CELF2: variants seen among roughly 807,000 people sequenced by gnomAD.
CELF2 encodes the protein CUG triplet repeat RNA-binding protein 2.
CELF2 carries 8 observed loss-of-function variants against 62.6 expected under a neutral mutation model. That is an observed-to-expected ratio of 0.13 (90% confidence interval 0.07 to 0.23). The LOEUF is 0.23. Ranked by LOEUF, CELF2 falls within the 10% of genes least tolerant of loss-of-function variation. The pLI is 1.00. For missense variants in CELF2, 333 were observed against 671.0 expected, an observed-to-expected ratio of 0.50 and a Z score of 5.56; for synonymous variants, 258 against 250.0, an observed-to-expected ratio of 1.03 and a Z score of -0.30.
chr10:11,078,691 T>G (rs889785097), intron 1 of CELF2, among the ~76,000 whole-genome samples: 1 of 152,190 alleles, frequency 6.6e-6, no homozygotes. Context: ...GAGTGGGCGG[T>G]TCTTTCTCTT....
chr10:11,231,683 TTGC>T (rs1332591901), intron 3 of CELF2, among the ~76,000 whole-genome samples: 1 of 149,162 alleles, frequency 6.7e-6, no homozygotes, highest in African/African-American at 2.5e-5. Context: ...TTGTATATGG[TTGC>T]TTTCTTTTTT....
At chr10:10,697,871 C>A in the CELF2 span, among the ~76,000 whole-genome samples, 1 of 152,190 alleles carries the variant, frequency 6.6e-6, no homozygotes, top group African/African-American at 2.4e-5. Flanking sequence ...CAGCTCACTG[C>A]AGCCTGCATC....
intron 3 of CELF2, among the ~76,000 whole-genome samples, chr10:11,238,412 T>C (rs965891411): frequency 1.3e-5 from 2 of 152,232 alleles, no homozygotes; most frequent in Non-Finnish European, 2.9e-5. Flanking sequence ...CTCTAGTTTC[T>C]TGCTATTAAA....
At chr10:10,502,655 T>A in the CELF2 span, among the ~76,000 whole-genome samples, 70,662 of 151,732 alleles carry the variant, frequency 0.47, 17,415 homozygotes, top group East Asian at 0.92. Context: ...ATTTGCATAT[T>A]CTTTTTTTCT....
intron 8 of CELF2, 61 bp downstream of exon 8, chr10:11,275,181 C>A: frequency 6.6e-7 from 1 of 1,522,088 alleles, no homozygotes; most frequent in Non-Finnish European, 9.1e-7. Context: ...GGGGTTGGTT[C>A]CGAGGGCAAA....
chr10:10,878,844 G>T (rs188331218), intron 1 of CELF2, among the ~76,000 whole-genome samples: 10 of 152,280 alleles, frequency 6.6e-5, no homozygotes, highest in Admixed American at 5.9e-4. Flanking sequence ...TCTCGTCTCT[G>T]CCAAGCTCTG....
At chr10:10,836,589 G>T (rs1446037751) in intron 1 of CELF2, among the ~76,000 whole-genome samples, 1 of 152,182 alleles carries the variant, frequency 6.6e-6, no homozygotes, top group African/African-American at 2.4e-5. Context: ...TTCTTACTGA[G>T]AAACTATAGA....
In CELF2 at chr10:11,217,336, T is replaced by C; in HGVS notation, c.272-89T>C. On this transcript the variant is annotated intron_variant, in intron 2 of 12. Coordinates refer to ENST00000633077, the MANE Select transcript of CELF2 (RefSeq NM_001326342.2). The surrounding 1 kb of genome is among the most constrained non-coding windows in gnomAD (Gnocchi z 5.6). ...ATTATTTTTAAATTGTGCGTCCTTT[T>C]AAGTAGATTGTTTGTTCGCCACAGT... 1.2e-6 allele frequency: 1 copy of C among 834,592 alleles called. No homozygotes were observed. The highest frequency in any genetic ancestry group is 2.0e-6 in the Non-Finnish European group (1 of 512,242). 51.7% of individuals were successfully genotyped at this position (834,592 alleles called of 1,614,324 possible).
intron 1 of CELF2, among the ~76,000 whole-genome samples, chr10:10,813,322 G>A (rs2056122540): frequency 6.6e-6 from 1 of 152,160 alleles, no homozygotes; most frequent in Non-Finnish European, 1.5e-5. Context: ...AGGTGTTTCT[G>A]TTAACCATGC....
At position 11,249,235 on chromosome 10, in the gene CELF2, A is replaced by G. The variant is rs771607917; in HGVS notation, c.403+34A>G. The G allele has an allele frequency of 5.8e-5, 90 of 1,552,800 alleles. No individual in the cohort carries two copies. The Middle Eastern group carries it at 8.4e-4, about 14-fold the overall frequency. ...TAACCAACTGTCTTGCTTAATAATA[A>G]TATCTGCTGCTTTAAATTACAAAGT... is the stretch of plus-strand genomic sequence containing the variant. On this transcript the variant is annotated intron_variant, in intron 4 of 12. Transcript: ENST00000633077.
chr10:10,708,426 C>A, the CELF2 span, among the ~76,000 whole-genome samples: 2 of 152,070 alleles, frequency 1.3e-5, no homozygotes, highest in African/African-American at 2.4e-5. Context: ...TACCTTGGGA[C>A]AAGGGCAATG....
chr10:10,553,212 T>TA, the CELF2 span, among the ~76,000 whole-genome samples: 1 of 152,122 alleles, frequency 6.6e-6, no homozygotes, highest in African/African-American at 2.4e-5. Context: ...AACTCCCCTT[T>TA]ATAAAACGGT....
intron 1 of CELF2, among the ~76,000 whole-genome samples, chr10:11,048,955 T>C (rs115941072): frequency 6.6e-6 from 1 of 152,300 alleles, no homozygotes; most frequent in African/African-American, 2.4e-5. Context: ...TACAGCCCCG[T>C]CTTTGTCTCT....
the CELF2 span, among the ~76,000 whole-genome samples, chr10:10,778,431 AAG>A: frequency 2.6e-5 from 4 of 152,226 alleles, no homozygotes; most frequent in Admixed American, 6.5e-5. Context: ...AAGCCAGGAA[AAG>A]AGAGAAAAAT....
At chr10:10,542,540 A>G in the CELF2 span, among the ~76,000 whole-genome samples, 1 of 152,352 alleles carries the variant, frequency 6.6e-6, no homozygotes, top group Middle Eastern at 3.4e-3. Context: ...TCTAAGATAG[A>G]AAAAACAGAA....
At chr10:10,718,157 C>T in the CELF2 span, among the ~76,000 whole-genome samples, 1 of 152,160 alleles carries the variant, frequency 6.6e-6, no homozygotes. Context: ...ATTCAATTTT[C>T]TTTAAACTTC....
chr10:11,070,466 G>A (rs1165084782), intron 1 of CELF2, among the ~76,000 whole-genome samples: 1 of 152,200 alleles, frequency 6.6e-6, no homozygotes, highest in African/African-American at 2.4e-5. Flanking sequence ...TTTAAAAAGT[G>A]ATGATGGCAT....
At chr10:11,221,021 A>G (rs984291128) in intron 3 of CELF2, among the ~76,000 whole-genome samples, 1 of 152,252 alleles carries the variant, frequency 6.6e-6, no homozygotes. Flanking sequence ...TCTGCTGCAG[A>G]ATACCCATTC....
the CELF2 span, among the ~76,000 whole-genome samples, chr10:10,568,696 A>G: frequency 6.6e-6 from 1 of 152,202 alleles, no homozygotes; most frequent in Non-Finnish European, 1.5e-5. Context: ...ATGATAGAGA[A>G]AGAAAGGAGT....
Sources: gnomAD v4.1 joint callset for allele counts (sites outside exome capture counted in the v4.1 genomes callset) on GRCh38, gnomAD v4.1.1 for gene constraint, Gnocchi (gnomAD v3.1) non-coding constraint, MANE v1.5 for transcripts, NCBI Gene and HGNC (gene_info 2026-07-23, HGNC 2026-07-21) for gene names.